CHCHD5: variants seen among roughly 807,000 people sequenced by gnomAD.
CHCHD5 encodes the protein coiled-coil-helix-coiled-coil-helix domain containing 5.
CHCHD5 carries 10 observed loss-of-function variants against 16.0 expected under a neutral mutation model. The ratio of observed to expected loss-of-function variants is 0.63; its 90% CI spans 0.39 to 1.06. The LOEUF (loss-of-function observed/expected upper bound fraction) is 1.06, where lower values mean the gene tolerates loss of function less well. CHCHD5 is among the 50% of genes least tolerant of loss of function. The probability of loss-of-function intolerance (pLI) is 0.01; values close to 1 mark genes in which losing one functional copy is unlikely to be tolerated. For missense variants in CHCHD5, 163 were observed against 153.4 expected, an observed-to-expected ratio of 1.06 and a Z score of -0.33; for synonymous variants, 55 against 56.3, an observed-to-expected ratio of 0.98 and a Z score of 0.10.
In CHCHD5 at chr2:112,586,143, G is replaced by A. The variant is rs373521228; in HGVS notation, c.143+29G>A. 1.1e-5 allele frequency: 18 copies of A among 1,611,462 alleles called. No homozygotes were observed. The African/African-American group carries it at 2.0e-4, about 18-fold the overall frequency. On this transcript the variant is annotated intron_variant, in intron 2 of 3. Transcript: ENST00000324913. ...AGTGCGGGCAAGTATGAGACAGTGT[G>A]GGGGGTGGGCAGTGGGGTGGGAATC...
Position 112,586,314 on chromosome 2 carries a change from C to A in CHCHD5, c.258C>A (p.Phe86Leu), listed in dbSNP as rs1185502166. 6.2e-7 allele frequency: 1 copy of A among 1,614,286 alleles called. No individual in the cohort carries two copies. The highest frequency in any genetic ancestry group is 8.5e-7 in the Non-Finnish European group (1 of 1,180,048). ...ACTGTGCAGAGCATATGCGCCGCTTCCTGCAGTGCGCTGAGCAGGTGCAGC... is the reference window on the plus strand; with the variant it reads ...ACTGTGCAGAGCATATGCGCCGCTTACTGCAGTGCGCTGAGCAGGTGCAGC... ...VGNCAEHMRR[F>L]LQCAEQVQPP... Residue 86 changes from phenylalanine (F) to leucine (L), a missense_variant, in exon 3 of 4, where the codon TTC (phenylalanine) becomes TTA (leucine). Physicochemically the swap from Phe to Leu is conservative, Grantham distance 22. Coordinates refer to ENST00000324913, the MANE Select transcript of CHCHD5 (RefSeq NM_032309.4).
Position 112,586,067 on chromosome 2 carries a change from G to C in CHCHD5, c.96G>C (p.Arg32=). Residue 32 remains arginine (R), a synonymous_variant, in exon 2 of 4, where the codon CGG becomes CGC. Transcript: ENST00000324913. The stretch of plus-strand genomic sequence containing the variant: ...CGGCCAAGCCGGAATCCTGGCAGCG[G>C]GACTGTCACTACCTTAAGATGAGCA... The part of the protein sequence containing the change: ...CVAAKPESWQ[R]DCHYLKMSIA... 1 of 1,614,208 alleles carries C rather than the reference G, an allele frequency of 6.2e-7. No homozygotes were observed. Among genetic ancestry groups the C allele is most frequent in the Non-Finnish European group, 8.5e-7 (1 of 1,180,036 alleles).
At chr2:112,584,602 G>A, upstream of CHCHD5, 3 of 1,611,842 alleles carry the variant, frequency 1.9e-6, no homozygotes, top group Non-Finnish European at 2.5e-6. Context: ...ACCGGAAAAG[G>A]CGGGTCGTTC....
chr2:112,586,839 G>T, intron 3 of CHCHD5: 1 of 430,168 alleles, frequency 2.3e-6, no homozygotes, highest in East Asian at 3.7e-5. Context: ...CTGCAGAGGG[G>T]CTGGGCTGGG....
At chr2:112,586,509 C>T (rs1262520727) in intron 3 of CHCHD5, 144 bp downstream of exon 3, 6 of 1,552,612 alleles carry the variant, frequency 3.9e-6, no homozygotes, top group Non-Finnish European at 3.5e-6. Context: ...GAATCCAGAA[C>T]ATCATCACTT....
upstream of CHCHD5, chr2:112,584,473 G>C (rs1685137286): frequency 2.8e-6 from 2 of 717,668 alleles, no homozygotes; most frequent in Non-Finnish European, 4.8e-6. Flanking sequence ...TGACGAGCCG[G>C]GCCGGAAGAA....
At position 112,585,881 on chromosome 2, in the gene CHCHD5, G is replaced by C. The variant is rs912410575; in HGVS notation, c.3-93G>C. The C allele has an allele frequency of 3.5e-6, 5 of 1,429,340 alleles. No individual in the cohort carries two copies. The African/African-American group carries it at 7.2e-5, about 21-fold the overall frequency. The allele number at this position is 1,429,340 out of a possible 1,614,324, so 88.5% of individuals were successfully genotyped here. The stretch of plus-strand genomic sequence containing the variant: ...CCACTGCACTCCAGCCTGGGCCACA[G>C]TGAGACCCTGTCTCTAAAAAATAAA... On this transcript the variant is annotated intron_variant, in intron 1 of 3. Transcript: ENST00000324913.
In CHCHD5 at chr2:112,588,871, G is replaced by C; in HGVS notation, c.315G>C (p.Gln105His). Residue 105 changes from glutamine to histidine, a missense_variant, in exon 4 of 4, where the codon CAG becomes CAC. By Grantham distance (24) the Gln-to-His change is conservative. Transcript: ENST00000324913. ...TTGATGTACTTTCTCCACAGGCACA[G>C]CCACTTCCTGCCTCCTGAGGACTCC... ...PPRSPATVEA[Q>H]PLPAS 2.5e-6 allele frequency: 4 copies of C among 1,611,818 alleles called. No individual in the cohort carries two copies. The highest frequency in any genetic ancestry group is 3.4e-6 in the Non-Finnish European group (4 of 1,178,228).
intron 1 of CHCHD5, 39 bp from the exon 2 acceptor site, chr2:112,585,934 CT>C: frequency 6.3e-7 from 1 of 1,577,866 alleles, no homozygotes; most frequent in South Asian, 1.2e-5. Context: ...CCTTGCTTGC[CT>C]ACTGCCTGGA....
chr2:112,588,740 A>G, intron 3 of CHCHD5, 126 bp from the exon 4 acceptor site: 2 of 745,800 alleles, frequency 2.7e-6, no homozygotes, highest in South Asian at 1.6e-5. Flanking sequence ...GGCCAAGGTC[A>G]TTGCCCAACA....
chr2:112,584,967 CTCTATG>C, intron 1 of CHCHD5: 1 of 481,580 alleles, frequency 2.1e-6, no homozygotes, highest in South Asian at 2.9e-5. Context: ...ATTTAGGGAC[CTCTATG>C]ACTCCTACAC....
chr2:112,588,771 G>A (rs1249273785), intron 3 of CHCHD5, 95 bp from the exon 4 acceptor site: 2 of 940,488 alleles, frequency 2.1e-6, no homozygotes, highest in Non-Finnish European at 3.5e-6. Context: ...TCCAGACTGT[G>A]GGCTCTGCAG....
Position 112,588,547 on chromosome 2 carries a change from C to T in CHCHD5, c.310-319C>T. The T allele has an allele frequency of 7.7e-6, 3 of 387,922 alleles. No homozygotes were observed. The South Asian group carries it at 9.1e-5, about 12-fold the overall frequency. 24.0% of individuals were successfully genotyped at this position (387,922 alleles called of 1,614,324 possible). ...TTCCGCACACACCTCTGCTCTTTAC[C>T]CTGATTAAATTTTCTTCATCGAATT... On this transcript the variant is annotated intron_variant, in intron 3 of 3. Transcript: ENST00000324913.
At position 112,586,010 on chromosome 2, in the gene CHCHD5, C is replaced by T. The variant is rs1332265887; in HGVS notation, c.39C>T (p.Gly13=). The part of the protein sequence containing the change: ...AALEVTARYC[G]RELEQYGQCV... ...TAGAGGTCACCGCTCGCTACTGTGG[C>T]CGGGAGCTGGAGCAGTATGGCCAGT... Residue 13 remains glycine, a synonymous_variant, in exon 2 of 4, where the codon GGC becomes GGT. Coordinates refer to ENST00000324913, the MANE Select transcript of CHCHD5 (RefSeq NM_032309.4). 1.2e-6 allele frequency: 2 copies of T among 1,614,156 alleles called. No homozygotes were observed. The highest frequency in any genetic ancestry group is 1.7e-6 in the Non-Finnish European group (2 of 1,180,052).
chr2:112,584,909 A>G (rs1685160631), intron 1 of CHCHD5: 1 of 562,832 alleles, frequency 1.8e-6, no homozygotes, highest in Non-Finnish European at 3.2e-6. Flanking sequence ...CTCTGCCCCC[A>G]GTACCCCAGG....
At chr2:112,585,872 TGGG>T in intron 1 of CHCHD5, 99 bp from the exon 2 acceptor site, 35 of 1,353,502 alleles carry the variant, frequency 2.6e-5, no homozygotes, top group Non-Finnish European at 3.5e-5. Context: ...CACTCCAGCC[TGGG>T]CCACAGTGAG....
At position 112,586,346 on chromosome 2, in the gene CHCHD5, G is replaced by GCTCAC; in HGVS notation, c.293_297dup (p.Ala100HisfsTer26). On this transcript the variant is annotated frameshift_variant, in exon 3 of 4. Transcript: ENST00000324913. LOFTEE classifies it high-confidence loss of function. Reference sequence around the variant, plus strand: ...TGCGCTGAGCAGGTGCAGCCGCCACGCTCACCTGCAACTGTGGAGGTAAGA... The same window carrying GCTCAC: ...TGCGCTGAGCAGGTGCAGCCGCCACGCTCACCTCACCTGCAACTGTGGAGGTAAGA... 1 of 1,614,198 alleles carries GCTCAC rather than the reference G, an allele frequency of 6.2e-7. No individual in the cohort carries two copies. Among genetic ancestry groups the GCTCAC allele is most frequent in the Admixed American group, 1.7e-5 (1 of 60,030 alleles).
intron 1 of CHCHD5, 134 bp from the exon 2 acceptor site, chr2:112,585,840 G>A: frequency 1.0e-6 from 1 of 986,286 alleles, no homozygotes; most frequent in Non-Finnish European, 1.5e-6. Flanking sequence ...GGTGGCTACA[G>A]TGAGCTATGA....
intron 3 of CHCHD5, chr2:112,587,031 C>A: frequency 6.4e-6 from 1 of 156,978 alleles, no homozygotes; most frequent in East Asian, 1.9e-4. Context: ...CTACCCTCCT[C>A]ACTGGACTGT....
Sources: gnomAD v4.1 joint callset for allele counts on GRCh38, gnomAD v4.1.1 for gene constraint, MANE v1.5 for transcripts, NCBI Gene and HGNC (gene_info 2026-07-23, HGNC 2026-07-21) for gene names.